Variants in SGCZ observed in about 807,000 individuals in gnomAD.
SGCZ encodes the protein zeta-sarcoglycan.
A neutral mutation model predicts 41.3 loss-of-function variants in SGCZ; 40 were observed. The observed-to-expected ratio is 0.97, with a 90% confidence interval of 0.75 to 1.26. SGCZ has a LOEUF of 1.26. SGCZ is among the 50% of genes most tolerant of loss of function. The pLI is 0.00. For synonymous variants in SGCZ, 206 were observed against 137.5 expected (o/e 1.50, Z -3.49); for missense variants, 552 against 369.8 (o/e 1.49, Z -4.04).
intron 1 of SGCZ, among the ~76,000 whole-genome samples, chr8:15,025,771 C>A (rs1803433209): frequency 6.6e-6 from 1 of 152,124 alleles, no homozygotes; most frequent in Non-Finnish European, 1.5e-5. Context: ...GAGAAAAGTA[C>A]CAGATTATAC....
At chr8:14,239,481 T>C (rs1798781697) in intron 3 of SGCZ, among the ~76,000 whole-genome samples, 1 of 151,992 alleles carries the variant, frequency 6.6e-6, no homozygotes, top group South Asian at 2.1e-4. Context: ...CATACATGAG[T>C]TTGGTTTAGA....
At chr8:14,215,268 G>A (rs1355080454) in intron 4 of SGCZ, among the ~76,000 whole-genome samples, 1 of 151,998 alleles carries the variant, frequency 6.6e-6, no homozygotes, top group Non-Finnish European at 1.5e-5. Flanking sequence ...ACTATCTATA[G>A]ACAAAGAAGT....
intron 1 of SGCZ, among the ~76,000 whole-genome samples, chr8:14,670,469 A>G (rs926668608): frequency 3.3e-5 from 5 of 152,210 alleles, no homozygotes; most frequent in Non-Finnish European, 5.9e-5. Context: ...TGTTTGCAAG[A>G]ACAAAGTTAA....
intron 2 of SGCZ, among the ~76,000 whole-genome samples, chr8:14,406,948 G>C (rs1799227275): frequency 6.6e-6 from 1 of 151,844 alleles, no homozygotes; most frequent in Admixed American, 6.6e-5. Flanking sequence ...GCTCGCTTTA[G>C]AATTCTTTCA....
At chr8:14,891,156 T>A (rs1804999748) in intron 1 of SGCZ, among the ~76,000 whole-genome samples, 1 of 152,206 alleles carries the variant, frequency 6.6e-6, no homozygotes, top group Non-Finnish European at 1.5e-5. Flanking sequence ...AATTTCCACA[T>A]TGAAGCCTGA....
rs559962313 is a variant in SGCZ, at chr8:15,141,186, A to G, written c.39+96399T>C. Among the ~76,000 whole-genome samples the G allele has an allele frequency of 1.4e-3, 209 of 152,364 alleles. 1 individual carries two copies. The highest frequency in any genetic ancestry group is 4.8e-3 in the South Asian group (23 of 4,830). On this transcript the variant is annotated intron_variant, in intron 1 of 7. Coordinates refer to ENST00000382080, the MANE Select transcript of SGCZ (RefSeq NM_139167.4). ...TTAATTATCAATTAACCAATTTGAAATTCAATGCAGTTGAGTAACTTGTCT... is the reference window on the plus strand; with the variant it reads ...TTAATTATCAATTAACCAATTTGAAGTTCAATGCAGTTGAGTAACTTGTCT...
chr8:14,338,662 A>G lies in SGCZ; in HGVS notation c.235-14458T>C, dbSNP rs113972540. ...AAAAATTAAATTGAAACTCATTAAA[A>G]TATGCATCTACTTTGTTCCTCATAC... On this transcript the variant is annotated intron_variant, in intron 2 of 7. Coordinates refer to ENST00000382080, the MANE Select transcript of SGCZ (RefSeq NM_139167.4). Among the ~76,000 whole-genome samples, 792 of 152,336 alleles carry G rather than the reference A, an allele frequency of 5.2e-3. 6 individuals carry two copies. The highest frequency in any genetic ancestry group is 7.9e-3 in the Non-Finnish European group (535 of 68,024).
rs1030924373 is a variant in SGCZ, at chr8:14,444,880, C to A, written c.234+109852G>T. The stretch of plus-strand genomic sequence containing the variant: ...CAAAGTTTTGAAATGACTGTTAATA[C>A]CTGTGGGACTAATAAAACTCAACGC... On this transcript the variant is annotated intron_variant, in intron 2 of 7. Coordinates refer to ENST00000382080, the MANE Select transcript of SGCZ (RefSeq NM_139167.4). 4.4e-4 allele frequency among the ~76,000 whole-genome samples: 67 copies of A among 152,060 alleles called. 1 individual carries two copies. Among genetic ancestry groups the A allele is most frequent in the Non-Finnish European group, 1.3e-4 (9 of 68,014 alleles).
chr8:14,549,562 C>T (rs1418966298), intron 2 of SGCZ, among the ~76,000 whole-genome samples: 1 of 152,022 alleles, frequency 6.6e-6, no homozygotes, highest in Non-Finnish European at 1.5e-5. Flanking sequence ...CTACTATGTG[C>T]TCAACCAAGA....
intron 5 of SGCZ, among the ~76,000 whole-genome samples, chr8:14,121,394 T>C (rs1802691740): frequency 6.6e-6 from 1 of 152,144 alleles, no homozygotes; most frequent in Non-Finnish European, 1.5e-5. Context: ...GTGACTAATT[T>C]TGTGAAACTT....
intron 2 of SGCZ, among the ~76,000 whole-genome samples, chr8:14,411,087 C>T (rs1051007077): frequency 1.3e-4 from 20 of 152,200 alleles, no homozygotes; most frequent in African/African-American, 4.1e-4. Context: ...AACAACTCTA[C>T]TATGAAATTA....
chr8:14,755,828 A>T (rs1799647247), intron 1 of SGCZ, among the ~76,000 whole-genome samples: 1 of 152,196 alleles, frequency 6.6e-6, no homozygotes, highest in African/African-American at 2.4e-5. Context: ...AACAGGCACT[A>T]TGCCATATAC....
chr8:14,425,712 A>C (rs1330452023), intron 2 of SGCZ, among the ~76,000 whole-genome samples: 2 of 152,278 alleles, frequency 1.3e-5, no homozygotes, highest in East Asian at 3.9e-4. Flanking sequence ...AAACTTACTT[A>C]TACAATTTTG....
chr8:14,218,135 C>T lies in SGCZ; in HGVS notation c.424+19457G>A, dbSNP rs555926509. 1.1e-4 allele frequency among the ~76,000 whole-genome samples: 17 copies of T among 152,130 alleles called. 1 individual carries two copies. In the South Asian group the frequency reaches 2.7e-3, roughly 24 times the overall value. ...GGTCCCCCTAGGCAGTATAATAAGG[C>T]AAAGCATTTAAAATAGTAAGAGATA... On this transcript the variant is annotated intron_variant, in intron 4 of 7. Transcript: ENST00000382080.
intron 2 of SGCZ, among the ~76,000 whole-genome samples, chr8:14,412,978 T>C (rs1799400887): frequency 6.6e-6 from 1 of 151,976 alleles, no homozygotes. Context: ...GCATTCATAA[T>C]TTGTATATTA....
chr8:14,090,662 T>G (rs1801663247), intron 7 of SGCZ, 25 bp from the exon 8 acceptor site: 3 of 1,596,806 alleles, frequency 1.9e-6, no homozygotes, highest in Non-Finnish European at 2.6e-6. Context: ...AAATTGCATT[T>G]TAATTCATTT....
intron 1 of SGCZ, among the ~76,000 whole-genome samples, chr8:15,054,782 G>A (rs1275382027): frequency 1.5e-4 from 22 of 150,838 alleles, no homozygotes; most frequent in African/African-American, 4.6e-4. Context: ...GTGAAACCCC[G>A]TCTCTACTAA....
intron 4 of SGCZ, among the ~76,000 whole-genome samples, chr8:14,213,877 G>A (rs1361898524): frequency 6.6e-6 from 1 of 152,096 alleles, no homozygotes; most frequent in Non-Finnish European, 1.5e-5. Flanking sequence ...CGTAATATAT[G>A]TACATACTAG....
intron 1 of SGCZ, among the ~76,000 whole-genome samples, chr8:14,597,894 T>C (rs1272837880): frequency 6.6e-6 from 1 of 152,150 alleles, no homozygotes; most frequent in African/African-American, 2.4e-5. Flanking sequence ...CCCTAAAGAG[T>C]AAATATACAA....
Sources: allele counts gnomAD v4.1 joint callset (sites outside exome capture counted in the v4.1 genomes callset), GRCh38; gene constraint gnomAD v4.1.1; transcripts MANE v1.5; gene names NCBI Gene and HGNC (gene_info 2026-07-23, HGNC 2026-07-21).